RIMBP2: variants seen among roughly 807,000 people sequenced by gnomAD.
RIMBP2 encodes RIMS binding protein 2.
RIMBP2 carries 48 observed loss-of-function variants against 118.6 expected under a neutral mutation model. The observed-to-expected ratio is 0.40, with a 90% CI of 0.32 to 0.51. The LOEUF (loss-of-function observed/expected upper bound fraction) is 0.51, where lower values mean the gene tolerates loss of function less well. RIMBP2 is among the 20% of genes least tolerant of loss of function. RIMBP2 has a pLI of 0.41. For missense variants in RIMBP2, 1,551 were observed against 1,768.3 expected, an observed-to-expected ratio of 0.88 and a Z score of 2.20; for synonymous variants, 762 against 742.9, an observed-to-expected ratio of 1.03 and a Z score of -0.42.
chr12:130,464,006 C>A (rs2080237170), intron 6 of RIMBP2, among the ~76,000 whole-genome samples: 1 of 152,182 alleles, frequency 6.6e-6, no homozygotes, highest in African/African-American at 2.4e-5. Flanking sequence ...TTTACAGACG[C>A]CAAGGCAGCA....
At chr12:130,407,525 G>A (rs932331325) in intron 20 of RIMBP2, among the ~76,000 whole-genome samples, 33 of 152,192 alleles carry the variant, frequency 2.2e-4, no homozygotes, top group Non-Finnish European at 4.4e-4. Context: ...TCAGGGGCTG[G>A]CCATGTCCCT....
rs185459580 is a variant in RIMBP2 at position 130,707,110 on chromosome 12, C to G, written c.-352+9112G>C. On this transcript the variant is annotated intron_variant, in intron 1 of 22. Coordinates refer to ENST00000690449, the MANE Select transcript of RIMBP2 (RefSeq NM_001393629.1). The stretch of plus-strand genomic sequence containing the variant: ...CCCGGGCGTGAGAGCTGAAGCAGGC[C>G]GGGGTATACACAGGACAGTGGCCCA... Among the ~76,000 whole-genome samples the G allele has an allele frequency of 4.7e-4, 71 of 152,290 alleles. 1 individual carries two copies. The highest frequency in any genetic ancestry group is 1.7e-3 in the African/African-American group (69 of 41,564).
At chr12:130,648,449 A>G (rs11061053) in intron 1 of RIMBP2, among the ~76,000 whole-genome samples, 2,483 of 145,774 alleles carry the variant, frequency 0.017, 212 homozygotes, top group African/African-American at 0.056. Context: ...ACTTCGTAAT[A>G]TCCCCTTAAA....
intron 4 of RIMBP2, among the ~76,000 whole-genome samples, chr12:130,482,552 C>T (rs981124464): frequency 9.8e-5 from 15 of 152,366 alleles, no homozygotes; most frequent in South Asian, 8.3e-4. Context: ...GAGGAGATTT[C>T]AGCCAGATTC....
Position 130,396,252 on chromosome 12 carries a change from T to TATTA in RIMBP2, c.*1105_*1108dup, listed in dbSNP as rs1202334242. The TATTA allele has an allele frequency of 6.6e-6, 1 of 152,660 alleles. No individual in the cohort carries two copies. The highest frequency in any genetic ancestry group is 6.5e-5 in the Admixed American group (1 of 15,286). 9.5% of individuals were successfully genotyped at this position (152,660 alleles called of 1,614,324 possible). On this transcript the variant is annotated 3_prime_UTR_variant, in exon 23 of 23. Transcript: ENST00000690449. The stretch of plus-strand genomic sequence containing the variant: ...CTTTAATAATAAATCTACCACATAC[T>TATTA]ATTATATTACAATTTATAATAGCGT...
chr12:130,422,706 T>G lies in RIMBP2; in HGVS notation c.3130-145A>C. 2 of 629,492 alleles carry G rather than the reference T, an allele frequency of 3.2e-6. No individual in the cohort carries two copies. The highest frequency in any genetic ancestry group is 5.6e-6 in the Non-Finnish European group (2 of 356,910). 39.0% of individuals were successfully genotyped at this position (629,492 alleles called of 1,614,324 possible). On this transcript the variant is annotated intron_variant, in intron 16 of 22. Transcript: ENST00000690449. This position sits in a 1 kb window ranked among gnomAD's most constrained non-coding sequence, Gnocchi z 5.2. ...TAACTGAAAGGTTAGCTGAATGGCC[T>G]GGGAGAGAACAAAGCCGGGCACCAG...
intron 2 of RIMBP2, among the ~76,000 whole-genome samples, chr12:130,556,344 C>T (rs538119976): frequency 1.1e-4 from 17 of 152,192 alleles, no homozygotes; most frequent in African/African-American, 2.6e-4. Context: ...CCCTAGAGAC[C>T]GATGATTCAT....
At chr12:130,498,647 A>AC (rs1043425574) in intron 4 of RIMBP2, among the ~76,000 whole-genome samples, 9 of 151,708 alleles carry the variant, frequency 5.9e-5, no homozygotes, top group Non-Finnish European at 1.3e-4. Flanking sequence ...AAAAAAAAAA[A>AC]AAAACACTCA....
chr12:130,556,817 G>C (rs999150203), intron 2 of RIMBP2, among the ~76,000 whole-genome samples: 10 of 152,172 alleles, frequency 6.6e-5, no homozygotes, highest in Non-Finnish European at 1.3e-4. Context: ...GAGCAGGAAG[G>C]GGGTCAGGAT....
At position 130,644,582 on chromosome 12, in the gene RIMBP2, C is replaced by T. The variant is rs368991552; in HGVS notation, c.-351-16126G>A. On this transcript the variant is annotated intron_variant, in intron 1 of 22. Transcript: ENST00000690449. ...GCAAATTAATTTGTGCAAGGTAGCA[C>T]ACCTGCGTCTAAGCCCAGTGTCTGC... is the stretch of plus-strand genomic sequence containing the variant. Among the ~76,000 whole-genome samples the T allele has an allele frequency of 1.8e-4, 27 of 152,298 alleles. No homozygotes were observed. The East Asian group carries it at 4.6e-3, about 26-fold the overall frequency.
At chr12:130,679,530 C>T (rs778460322) in intron 1 of RIMBP2, among the ~76,000 whole-genome samples, 8 of 152,186 alleles carry the variant, frequency 5.3e-5, no homozygotes, top group South Asian at 2.1e-4. Flanking sequence ...AGGTGATGGA[C>T]GGGGCATGAG....
chr12:130,453,857 C>G (rs2079198133), intron 7 of RIMBP2, among the ~76,000 whole-genome samples: 1 of 152,088 alleles, frequency 6.6e-6, no homozygotes, highest in Admixed American at 6.6e-5. Context: ...AGTTTAAGAC[C>G]AGCCTGAACA....
chr12:130,606,336 T>G (rs561129332), intron 2 of RIMBP2, among the ~76,000 whole-genome samples: 2 of 152,338 alleles, frequency 1.3e-5, no homozygotes, highest in East Asian at 3.9e-4. Flanking sequence ...CTCACTATTA[T>G]TCTACCACTA....
In RIMBP2 at chr12:130,445,272, G is replaced by A. The variant is rs1293894974; in HGVS notation, c.582-3C>T. 6 of 1,607,168 alleles carry A rather than the reference G, an allele frequency of 3.7e-6. No individual in the cohort carries two copies. Among genetic ancestry groups the A allele is most frequent in the Non-Finnish European group, 5.1e-6 (6 of 1,176,326 alleles). On this transcript the variant is annotated splice_region_variant and splice_polypyrimidine_tract_variant and intron_variant, in intron 9 of 22. Coordinates refer to ENST00000690449, the MANE Select transcript of RIMBP2 (RefSeq NM_001393629.1). ...TCGGTCCATCGAAGGGGTTGTAACTGCAGAGAAAACACAGTTCCTTCATTA... is the reference window on the plus strand; with the variant it reads ...TCGGTCCATCGAAGGGGTTGTAACTACAGAGAAAACACAGTTCCTTCATTA...
intron 18 of RIMBP2, among the ~76,000 whole-genome samples, chr12:130,413,525 C>T (rs1306612105): frequency 1.3e-5 from 2 of 149,992 alleles, no homozygotes; most frequent in Admixed American, 6.7e-5. Context: ...CCCAGCTACT[C>T]GGGAGGCTGA....
Position 130,517,825 on chromosome 12 carries a change from T to C in RIMBP2, c.-127+3A>G, listed in dbSNP as rs1214381904. 2 of 984,246 alleles carry C rather than the reference T, an allele frequency of 2.0e-6. No homozygotes were observed. Among genetic ancestry groups the C allele is most frequent in the South Asian group, 4.7e-5 (1 of 21,254 alleles). The allele number at this position is 984,246 out of a possible 1,614,324, so 61.0% of individuals were successfully genotyped here. A position where few individuals can be genotyped will look rare whatever the true frequency, so the allele number is the denominator to read the frequency against. On this transcript the variant is annotated splice_donor_region_variant and intron_variant, in intron 3 of 22. Transcript: ENST00000690449. ...ATGGTCTGTGGACAGTGGTATCAGC[T>C]ACCTTGTCATGCTGCCGGGCCCTTG...
chr12:130,512,060 C>A (rs2050967353), intron 3 of RIMBP2, among the ~76,000 whole-genome samples: 1 of 152,206 alleles, frequency 6.6e-6, no homozygotes, highest in African/African-American at 2.4e-5. Flanking sequence ...GCTGATCCCA[C>A]CTGGATAGAG....
chr12:130,707,876 A>G (rs1336655937), intron 1 of RIMBP2, among the ~76,000 whole-genome samples: 1 of 152,162 alleles, frequency 6.6e-6, no homozygotes, highest in Non-Finnish European at 1.5e-5. Flanking sequence ...TGGGAAGAGG[A>G]CATGTTTGGC....
chr12:130,687,412 C>A (rs1248652292), intron 1 of RIMBP2, among the ~76,000 whole-genome samples: 1 of 152,170 alleles, frequency 6.6e-6, no homozygotes, highest in East Asian at 1.9e-4. Flanking sequence ...CAGTCGCCCA[C>A]GCCCCCCAGC....
Sources: gnomAD v4.1 joint callset for allele counts (sites outside exome capture counted in the v4.1 genomes callset) on GRCh38, gnomAD v4.1.1 for gene constraint, Gnocchi (gnomAD v3.1) non-coding constraint, MANE v1.5 for transcripts, NCBI Gene and HGNC (gene_info 2026-07-23, HGNC 2026-07-21) for gene names.